The following PLPBP variants were observed in gnomAD, a reference collection of about 807,000 sequenced individuals.
The protein encoded by PLPBP is pyridoxal phosphate binding protein, also known as pyridoxal phosphate homeostasis protein.
A neutral mutation model predicts 31.2 loss-of-function variants in PLPBP; 21 were observed. The ratio of observed to expected loss-of-function variants is 0.67; its 90% CI spans 0.48 to 0.97. The LOEUF is 0.97. Ranked by LOEUF, PLPBP falls within the 50% of genes least tolerant of loss-of-function variation. PLPBP has a pLI of 0.00. For missense variants in PLPBP, 308 were observed against 354.4 expected (o/e 0.87, Z 1.05); for synonymous variants, 124 against 135.6 (o/e 0.91, Z 0.59).
chr8:37,769,420 C>T (rs1391623256), intron 4 of PLPBP, among the ~76,000 whole-genome samples: 1 of 151,510 alleles, frequency 6.6e-6, no homozygotes, highest in Non-Finnish European at 1.5e-5. Context: ...TTCTGCATGT[C>T]AAAGCAAAAG....
intron 5 of PLPBP, among the ~76,000 whole-genome samples, chr8:37,773,850 A>G (rs1433216367): frequency 2.0e-5 from 3 of 152,106 alleles, no homozygotes; most frequent in Admixed American, 2.0e-4. Context: ...AAGACCTAAG[A>G]TTATATAAAT....
At chr8:37,777,392 C>A (rs962535534) in intron 7 of PLPBP, among the ~76,000 whole-genome samples, 1 of 152,046 alleles carries the variant, frequency 6.6e-6, no homozygotes, top group Non-Finnish European at 1.5e-5. Context: ...TCACACTGGA[C>A]GTCTAATGTC....
intron 4 of PLPBP, among the ~76,000 whole-genome samples, chr8:37,769,207 G>GT (rs1246633031): frequency 1.3e-5 from 2 of 151,982 alleles, no homozygotes; most frequent in African/African-American, 4.8e-5. Flanking sequence ...GTAGTGGTGT[G>GT]TGTCTGTGGT....
At chr8:37,763,528 C>T (rs1271294874) in intron 1 of PLPBP, among the ~76,000 whole-genome samples, 4 of 152,056 alleles carry the variant, frequency 2.6e-5, no homozygotes, top group Non-Finnish European at 4.4e-5. Context: ...TTACCTTGAA[C>T]AAGTCAGGTA....
At chr8:37,775,293 C>G (rs368362611) in intron 5 of PLPBP, 46 bp from the exon 6 acceptor site, 429 of 1,609,970 alleles carry the variant, frequency 2.7e-4, no homozygotes, top group Non-Finnish European at 3.3e-4. Context: ...CTTCCTCTGG[C>G]CATTTACCCT....
Position 37,765,709 on chromosome 8 carries a change from A to T in PLPBP, c.208-2A>T. On this transcript the variant is annotated splice_acceptor_variant, in intron 2 of 7. Transcript: ENST00000328195. LOFTEE classifies it high-confidence loss of function. Reference sequence around the variant, plus strand: ...CTGACTTGTTCTGTTTTGACCTTTTAGGTTCAGGAACTGCTAGAAAAAGCA... The same window carrying T: ...CTGACTTGTTCTGTTTTGACCTTTTTGGTTCAGGAACTGCTAGAAAAAGCA... The T allele has an allele frequency of 1.9e-6, 3 of 1,614,014 alleles. No homozygotes were observed. The highest frequency in any genetic ancestry group is 2.5e-6 in the Non-Finnish European group (3 of 1,179,986).
At chr8:37,774,467 G>T (rs966035730) in intron 5 of PLPBP, among the ~76,000 whole-genome samples, 12 of 152,186 alleles carry the variant, frequency 7.9e-5, no homozygotes, top group African/African-American at 2.9e-4. Context: ...GACTGAATAT[G>T]ATAATCCAGG....
chr8:37,764,754 C>T (rs1226685488), intron 1 of PLPBP, among the ~76,000 whole-genome samples: 3 of 152,214 alleles, frequency 2.0e-5, no homozygotes, highest in East Asian at 1.9e-4. Context: ...AAACTGCTAA[C>T]GTTTGGGTTT....
At position 37,767,266 on chromosome 8, in the gene PLPBP, G is replaced by A. The variant is rs190241715; in HGVS notation, c.319+911G>A. On this transcript the variant is annotated intron_variant, in intron 4 of 7. Transcript: ENST00000328195. Reference sequence around the variant, plus strand: ...AGTTTTGATGTATGTTTGCACCTGTGAAACCATCACAACAAACAGTGAGCA... The same window carrying A: ...AGTTTTGATGTATGTTTGCACCTGTAAAACCATCACAACAAACAGTGAGCA... Among the ~76,000 whole-genome samples, 34 of 152,210 alleles carry A rather than the reference G, an allele frequency of 2.2e-4. No homozygotes were observed. The East Asian group carries it at 6.2e-3, about 28-fold the overall frequency.
At chr8:37,767,895 G>T (rs766368938) in intron 4 of PLPBP, among the ~76,000 whole-genome samples, 46 of 130,766 alleles carry the variant, frequency 3.5e-4, no homozygotes, top group Non-Finnish European at 1.2e-4. Flanking sequence ...AACCTCCACC[G>T]CCCGAGTTCA....
chr8:37,778,781 GC>G lies in PLPBP; in HGVS notation c.*681del, dbSNP rs1803982816. On this transcript the variant is annotated 3_prime_UTR_variant, in exon 8 of 8. Transcript: ENST00000328195. ...AAGACCAGCCTCAGCAACAGCAGGA[GC>G]CCCACCCCCCGTCTCTACAAAAAAA... The G allele has an allele frequency of 6.6e-6, 1 of 152,068 alleles. No homozygotes were observed. The highest frequency in any genetic ancestry group is 2.4e-5 in the African/African-American group (1 of 41,364). The allele number at this position is 152,068 out of a possible 1,614,324, so 9.4% of individuals were successfully genotyped here.
At chr8:37,768,371 A>G (rs1351046799) in intron 4 of PLPBP, among the ~76,000 whole-genome samples, 1 of 152,098 alleles carries the variant, frequency 6.6e-6, no homozygotes, top group East Asian at 1.9e-4. Flanking sequence ...AACCAATAAA[A>G]TAACACAATA....
chr8:37,775,293 C>A, intron 5 of PLPBP, 46 bp from the exon 6 acceptor site: 1 of 1,610,088 alleles, frequency 6.2e-7, no homozygotes, highest in Non-Finnish European at 8.5e-7. Context: ...CTTCCTCTGG[C>A]CATTTACCCT....
intron 4 of PLPBP, among the ~76,000 whole-genome samples, chr8:37,768,617 C>T (rs947916410): frequency 5.3e-5 from 8 of 151,768 alleles, no homozygotes; most frequent in Non-Finnish European, 8.8e-5. Flanking sequence ...GGACTACAGG[C>T]GCCCACCACC....
intron 7 of PLPBP, 48 bp downstream of exon 7, chr8:37,776,064 G>C: frequency 6.5e-7 from 1 of 1,527,266 alleles, no homozygotes; most frequent in Non-Finnish European, 9.0e-7. Flanking sequence ...TGGGGGTAGG[G>C]GGTCTGAGAG....
intron 1 of PLPBP, 105 bp downstream of exon 1, chr8:37,762,863 G>A (rs1803516531): frequency 7.0e-7 from 1 of 1,421,044 alleles, no homozygotes; most frequent in Non-Finnish European, 9.4e-7. Flanking sequence ...TCCCAGAGAG[G>A]CGGGACTGGT....
rs1362069305 is a variant in PLPBP at position 37,775,901 on chromosome 8, T to C, written c.598-17T>C. On this transcript the variant is annotated splice_polypyrimidine_tract_variant and intron_variant, in intron 6 of 7. Coordinates refer to ENST00000328195, the MANE Select transcript of PLPBP (RefSeq NM_007198.4). ...AGAGAAGGCAGGAGTAAAATAGGTG[T>C]CATCTCTTTCTGTCAGCTGTTATTG... 6.3e-7 allele frequency: 1 copy of C among 1,592,508 alleles called. No homozygotes were observed. Among genetic ancestry groups the C allele is most frequent in the African/African-American group, 1.4e-5 (1 of 70,116 alleles).
intron 5 of PLPBP, among the ~76,000 whole-genome samples, chr8:37,774,272 C>A (rs576143250): frequency 6.6e-6 from 1 of 152,234 alleles, no homozygotes; most frequent in South Asian, 2.1e-4. Flanking sequence ...CTTTATGGGG[C>A]TTGGATTAAC....
At chr8:37,775,586 G>A in intron 6 of PLPBP, 105 bp downstream of exon 6, 1 of 1,496,928 alleles carries the variant, frequency 6.7e-7, no homozygotes, top group Non-Finnish European at 9.1e-7. Context: ...CCCAGACACT[G>A]CCTGTTGAGT....
Sources: allele counts gnomAD v4.1 joint callset (sites outside exome capture counted in the v4.1 genomes callset), GRCh38; gene constraint gnomAD v4.1.1; transcripts MANE v1.5; gene names NCBI Gene and HGNC (gene_info 2026-07-23, HGNC 2026-07-21).